The following DPP6 variants were observed in gnomAD, a reference collection of about 807,000 sequenced individuals.
The protein encoded by DPP6 is dipeptidyl peptidase like 6.
In DPP6, 69 loss-of-function variants were observed where a neutral mutation model predicts 122.6. The ratio of observed to expected loss-of-function variants is 0.56; its 90% CI spans 0.46 to 0.69. The LOEUF (loss-of-function observed/expected upper bound fraction) is 0.69, where lower values mean the gene tolerates loss of function less well. Among genes scored for constraint, DPP6 ranks in the 30% least tolerant of loss-of-function variants. The pLI, the probability that DPP6 is intolerant of heterozygous loss-of-function variation, is 0.00. For synonymous variants in DPP6, 418 were observed against 433.1 expected (o/e 0.97, Z 0.43); for missense variants, 928 against 1,116.9 (o/e 0.83, Z 2.41).
At chr7:154,372,308 G>A (rs1812743766) in intron 1 of DPP6, among the ~76,000 whole-genome samples, 1 of 152,156 alleles carries the variant, frequency 6.6e-6, no homozygotes, top group African/African-American at 2.4e-5. Flanking sequence ...AACCTAGGAT[G>A]CCTTATTAGG....
intron 2 of DPP6, among the ~76,000 whole-genome samples, chr7:154,467,390 G>A (rs954171155): frequency 6.6e-6 from 1 of 152,128 alleles, no homozygotes; most frequent in Non-Finnish European, 1.5e-5. Flanking sequence ...TAATGGTTCA[G>A]CACCATCCCC....
chr7:154,117,587 A>G (rs1807083536), intron 1 of DPP6, among the ~76,000 whole-genome samples: 1 of 152,074 alleles, frequency 6.6e-6, no homozygotes, highest in East Asian at 1.9e-4. Flanking sequence ...TCCCTTTTTC[A>G]TTGTTCAGCA....
At chr7:153,882,576 A>C (rs1563203171), upstream of DPP6, among the ~76,000 whole-genome samples, 1 of 152,274 alleles carries the variant, frequency 6.6e-6, no homozygotes, top group Non-Finnish European at 1.5e-5. Context: ...AATCAAAGCC[A>C]CTTTAATCAA....
intron 1 of DPP6, among the ~76,000 whole-genome samples, chr7:154,193,902 C>T (rs1798735798): frequency 6.6e-6 from 1 of 151,868 alleles, no homozygotes; most frequent in African/African-American, 2.4e-5. Context: ...GTGCGCTGGT[C>T]TCAAGGGAAA....
intron 1 of DPP6, among the ~76,000 whole-genome samples, chr7:153,980,427 T>C (rs1204873229): frequency 6.6e-6 from 1 of 152,230 alleles, no homozygotes; most frequent in Non-Finnish European, 1.5e-5. Flanking sequence ...TCTATTTGAT[T>C]CTTTTTTCTT....
the DPP6 span, among the ~76,000 whole-genome samples, chr7:153,843,879 C>T: frequency 1.3e-5 from 2 of 152,106 alleles, no homozygotes; most frequent in Non-Finnish European, 2.9e-5. Flanking sequence ...ACCGGTCAGA[C>T]CAGAAATTCT....
chr7:154,470,290 AT>A (rs1822147783), intron 2 of DPP6, among the ~76,000 whole-genome samples: 1 of 152,106 alleles, frequency 6.6e-6, no homozygotes, highest in African/African-American at 2.4e-5. Context: ...CTTCCTCCTC[AT>A]TATGGTGGGG....
At chr7:154,837,098 C>T (rs975341094) in intron 16 of DPP6, among the ~76,000 whole-genome samples, 1 of 152,244 alleles carries the variant, frequency 6.6e-6, no homozygotes, top group South Asian at 2.1e-4. Flanking sequence ...CTTATTCACA[C>T]ACCTGCATGC....
intron 1 of DPP6, among the ~76,000 whole-genome samples, chr7:154,069,590 C>T (rs2150506097): frequency 1.3e-5 from 2 of 151,750 alleles, no homozygotes; most frequent in Non-Finnish European, 2.9e-5. Flanking sequence ...TTGTCATGGA[C>T]CATTGGTTAT....
At chr7:154,393,607 C>T (rs73726859) in intron 1 of DPP6, among the ~76,000 whole-genome samples, 13,351 of 149,498 alleles carry the variant, frequency 0.089, 679 homozygotes, top group East Asian at 0.13. Context: ...TTTTTATTGA[C>T]TACTTTTTTC....
chr7:154,840,490 T>C (rs529325283), intron 16 of DPP6, among the ~76,000 whole-genome samples: 1 of 152,210 alleles, frequency 6.6e-6, no homozygotes, highest in African/African-American at 2.4e-5. Context: ...ATGTACTCCA[T>C]GCTCACTCTG....
intron 1 of DPP6, chr7:154,059,294 C>G (rs1301296448): frequency 6.5e-6 from 1 of 154,494 alleles, no homozygotes; most frequent in South Asian, 2.1e-4. Flanking sequence ...CCCCTTGAGG[C>G]GGGGACTGAG....
intron 1 of DPP6, among the ~76,000 whole-genome samples, chr7:154,208,869 A>T (rs867040292): frequency 2.0e-5 from 3 of 152,208 alleles, no homozygotes; most frequent in Non-Finnish European, 2.9e-5. Context: ...AATTTAGAAC[A>T]TATTAAATAT....
chr7:154,002,755 G>T (rs944557962), intron 1 of DPP6, among the ~76,000 whole-genome samples: 1 of 152,156 alleles, frequency 6.6e-6, no homozygotes, highest in Non-Finnish European at 1.5e-5. Context: ...GTCTCAATTT[G>T]CCATCTCTGC....
intron 1 of DPP6, among the ~76,000 whole-genome samples, chr7:154,380,727 T>C (rs1005304206): frequency 6.6e-6 from 1 of 152,204 alleles, no homozygotes; most frequent in Non-Finnish European, 1.5e-5. Flanking sequence ...GTCCAGTGTC[T>C]GGGCTGCAGA....
At chr7:153,875,548 A>G in the DPP6 span, among the ~76,000 whole-genome samples, 4 of 152,112 alleles carry the variant, frequency 2.6e-5, no homozygotes, top group Non-Finnish European at 5.9e-5. Context: ...ATAATATTTG[A>G]TTACTCAAAG....
intron 10 of DPP6, 110 bp downstream of exon 10, chr7:154,773,052 A>G: frequency 1.5e-6 from 2 of 1,321,212 alleles, no homozygotes; most frequent in South Asian, 4.1e-5. Flanking sequence ...TTAAACATCC[A>G]AGAAAAAGGT....
chr7:153,758,303 C>T, the DPP6 span, among the ~76,000 whole-genome samples: 1 of 152,174 alleles, frequency 6.6e-6, no homozygotes, highest in Non-Finnish European at 1.5e-5. Flanking sequence ...AGATTATTAC[C>T]TCTTTTGTTC....
At chr7:153,991,774 TC>T (rs1210492504) in intron 1 of DPP6, among the ~76,000 whole-genome samples, 1 of 152,106 alleles carries the variant, frequency 6.6e-6, no homozygotes, top group Non-Finnish European at 1.5e-5. Flanking sequence ...TCTTGCAACT[TC>T]CCCACCTTGC....
Sources: allele counts gnomAD v4.1 joint callset (sites outside exome capture counted in the v4.1 genomes callset), GRCh38; gene constraint gnomAD v4.1.1; transcripts MANE v1.5; gene names NCBI Gene and HGNC (gene_info 2026-07-23, HGNC 2026-07-21).